Variants in SLC6A17 observed in about 807,000 individuals in gnomAD.
SLC6A17 encodes the protein solute carrier family 6 member 17.
In SLC6A17, 21 loss-of-function variants were observed where a neutral mutation model predicts 64.5. That is an observed-to-expected ratio of 0.33 (90% CI 0.23 to 0.47). The LOEUF (loss-of-function observed/expected upper bound fraction) is 0.47, where lower values mean the gene tolerates loss of function less well. Among genes scored for constraint, SLC6A17 ranks in the 20% least tolerant of loss-of-function variants. The probability of loss-of-function intolerance (pLI) is 1.00; values close to 1 mark genes in which losing one functional copy is unlikely to be tolerated. For missense variants in SLC6A17, 682 were observed against 963.2 expected (o/e 0.71, Z 3.86); for synonymous variants, 372 against 399.5 (o/e 0.93, Z 0.82).
At chr1:110,178,881 A>G (rs1656440367) in intron 6 of SLC6A17, among the ~76,000 whole-genome samples, 1 of 152,212 alleles carries the variant, frequency 6.6e-6, no homozygotes, top group South Asian at 2.1e-4. Flanking sequence ...TTTTGAAGGG[A>G]TACTAACATC....
At chr1:110,151,080 G>T (rs191158900) in intron 1 of SLC6A17, among the ~76,000 whole-genome samples, 197 bp downstream of exon 1, 1 of 152,344 alleles carries the variant, frequency 6.6e-6, no homozygotes, top group African/African-American at 2.4e-5. Flanking sequence ...GAGCCCCGGG[G>T]CCCGCTCTCC....
At position 110,192,182 on chromosome 1, in the gene SLC6A17, G is replaced by A. The variant is rs753486204; in HGVS notation, c.1075G>A (p.Ala359Thr). The change falls in exon 7 of 12, where the codon GCC becomes ACC. Residue 359 changes from alanine to threonine, a missense_variant. This residue lies in a region of SLC6A17 where 415 missense variants were observed against 603.8 expected (regional missense o/e 0.69). Coordinates refer to ENST00000331565, the MANE Select transcript of SLC6A17 (RefSeq NM_001010898.4). This position sits in a 1 kb window ranked among gnomAD's most constrained non-coding sequence, Gnocchi z 4.3. ...GGTGTTTGCTGTGCTGGGCTTCAAGGCCAACATCATGAATGAGAAGTGTGT... is the reference window on the plus strand; with the variant it reads ...GGTGTTTGCTGTGCTGGGCTTCAAGACCAACATCATGAATGAGAAGTGTGT... ...LVVFAVLGFK[A>T]NIMNEKCVVE... The A allele has an allele frequency of 6.2e-7, 1 of 1,613,720 alleles. No homozygotes were observed. Among genetic ancestry groups the A allele is most frequent in the Admixed American group, 1.7e-5 (1 of 60,010 alleles).
intron 1 of SLC6A17, among the ~76,000 whole-genome samples, chr1:110,157,823 G>C (rs1478070896): frequency 6.6e-6 from 1 of 152,084 alleles, no homozygotes; most frequent in African/African-American, 2.4e-5. Context: ...CACCAGGCAT[G>C]CAGGTCCTGC....
chr1:110,187,326 GAA>G (rs765794014), intron 6 of SLC6A17, among the ~76,000 whole-genome samples: 42 of 152,290 alleles, frequency 2.8e-4, no homozygotes, highest in Non-Finnish European at 5.7e-4. Flanking sequence ...ACAGAAAAAG[GAA>G]AGTGACTTAC....
intron 6 of SLC6A17, among the ~76,000 whole-genome samples, chr1:110,177,191 G>C (rs1656398480): frequency 6.6e-6 from 1 of 152,204 alleles, no homozygotes; most frequent in Non-Finnish European, 1.5e-5. Flanking sequence ...GAACCAAGAA[G>C]ATGCCTAAGA....
At chr1:110,195,010 GT>G (rs1180518174) in intron 9 of SLC6A17, 6 of 570,820 alleles carry the variant, frequency 1.1e-5, no homozygotes, top group Non-Finnish European at 1.9e-5. Context: ...AGGCCCCTTT[GT>G]TAGTTCACTT....
intron 1 of SLC6A17, among the ~76,000 whole-genome samples, chr1:110,154,088 G>A (rs1423668370): frequency 6.6e-6 from 1 of 152,192 alleles, no homozygotes; most frequent in Admixed American, 6.5e-5. Context: ...GATTCCAGTG[G>A]CTCACACTGT....
chr1:110,161,353 A>G (rs1245929223), intron 1 of SLC6A17, among the ~76,000 whole-genome samples: 5 of 152,058 alleles, frequency 3.3e-5, no homozygotes, highest in Non-Finnish European at 7.4e-5. Context: ...CCTGAGTTAG[A>G]TGTTGGCTTT....
chr1:110,173,908 T>A, intron 3 of SLC6A17, 65 bp from the exon 4 acceptor site: 9 of 1,515,146 alleles, frequency 5.9e-6, no homozygotes, highest in Admixed American at 2.0e-5. Flanking sequence ...GGGCCTCGGG[T>A]GGAGCGTGGG....
At chr1:110,186,525 A>T (rs1656689088) in intron 6 of SLC6A17, among the ~76,000 whole-genome samples, 1 of 152,148 alleles carries the variant, frequency 6.6e-6, no homozygotes, top group African/African-American at 2.4e-5. Context: ...TTTAGAAAGT[A>T]GAAGTTTGAA....
chr1:110,197,825 TC>T (rs1657011999), intron 11 of SLC6A17, among the ~76,000 whole-genome samples: 1 of 152,224 alleles, frequency 6.6e-6, no homozygotes, highest in Non-Finnish European at 1.5e-5. Context: ...ACTTATCCAG[TC>T]TTTCTAACCC....
Position 110,192,465 on chromosome 1 carries a change from C to T in SLC6A17, c.1107-41C>T, listed in dbSNP as rs751824854. On this transcript the variant is annotated intron_variant, in intron 7 of 11. Transcript: ENST00000331565. The surrounding 1 kb of genome is among the most constrained non-coding windows in gnomAD (Gnocchi z 4.3). ...CCTCCAGGATCTCACCCATTGCCCA[C>T]CCCTGCCTTCTTACCTGGTCCTCTC... is the stretch of plus-strand genomic sequence containing the variant. The T allele has an allele frequency of 1.0e-5, 16 of 1,578,400 alleles. No homozygotes were observed. The highest frequency in any genetic ancestry group is 9.0e-5 in the East Asian group (4 of 44,682).
rs2100958237 is a variant in SLC6A17, at chr1:110,200,609, T to C, written c.*2165T>C. On this transcript the variant is annotated 3_prime_UTR_variant, in exon 12 of 12. Coordinates refer to ENST00000331565, the MANE Select transcript of SLC6A17 (RefSeq NM_001010898.4). ...TCAGTGCTGTACAGATCTATTTTCA[T>C]TGTATATTTGATATATTTTTAATTT... The C allele has an allele frequency of 6.6e-6, 1 of 152,498 alleles. No individual in the cohort carries two copies. Among genetic ancestry groups the C allele is most frequent in the South Asian group, 2.1e-4 (1 of 4,836 alleles). The allele number at this position is 152,498 out of a possible 1,614,324, so 9.4% of individuals were successfully genotyped here.
At chr1:110,159,035 C>T (rs1655831449) in intron 1 of SLC6A17, among the ~76,000 whole-genome samples, 1 of 152,160 alleles carries the variant, frequency 6.6e-6, no homozygotes, top group African/African-American at 2.4e-5. Context: ...TCCATGTCTT[C>T]ATTTGTAAAA....
chr1:110,192,706 G>C lies in SLC6A17; in HGVS notation c.1299+8G>C. The C allele has an allele frequency of 6.2e-7, 1 of 1,609,698 alleles. No homozygotes were observed. Among genetic ancestry groups the C allele is most frequent in the Non-Finnish European group, 8.5e-7 (1 of 1,177,310 alleles). On this transcript the variant is annotated splice_region_variant and intron_variant, in intron 8 of 11. Coordinates refer to ENST00000331565, the MANE Select transcript of SLC6A17 (RefSeq NM_001010898.4). This position sits in a 1 kb window ranked among gnomAD's most constrained non-coding sequence, Gnocchi z 4.3. ...GAGGACGAGCTGGACAAGGTGCGGG[G>C]ACAGGCTGCCCTTCCCAGGACAGGC...
rs143260895 is a variant in SLC6A17, at chr1:110,198,414, G to C, written c.2154G>C (p.Leu718=). The part of the protein sequence containing the change: ...NPNGRYGSGY[L]LASTPESEL ...ATGGACGCTATGGGAGCGGCTACCT[G>C]CTGGCCAGCACCCCTGAGTCGGAGC... Residue 718 remains leucine (L), a synonymous_variant, in exon 12 of 12, where the codon CTG becomes CTC. Transcript: ENST00000331565. The C allele has an allele frequency of 1.2e-3, 1,937 of 1,613,032 alleles. 21 individuals are homozygous for C. The African/African-American group carries it at 0.023, about 19-fold the overall frequency.
At position 110,191,894 on chromosome 1, in the gene SLC6A17, A is replaced by G. The variant is rs996196669; in HGVS notation, c.865-78A>G. On this transcript the variant is annotated intron_variant, in intron 6 of 11. Coordinates refer to ENST00000331565, the MANE Select transcript of SLC6A17 (RefSeq NM_001010898.4). ...CTGCCTCTGAACTCTGTTGAGGCTG[A>G]GAAAGGGGGTGTGCACATGAATAAA... 3 of 1,546,494 alleles carry G rather than the reference A, an allele frequency of 1.9e-6. No homozygotes were observed. In the African/African-American group the frequency reaches 4.1e-5, roughly 21 times the overall value.
rs1167116627 is a variant in SLC6A17 at position 110,172,108 on chromosome 1, C to T, written c.335C>T (p.Pro112Leu). 2 of 1,613,990 alleles carry T rather than the reference C, an allele frequency of 1.2e-6. No individual in the cohort carries two copies. Residue 112 changes from proline to leucine, a missense_variant, in exon 3 of 12, where the codon CCC (proline) becomes CTC (leucine). Around this residue, in one of 3 missense-constraint regions of SLC6A17, gnomAD observed 415 missense variants for 603.8 expected, o/e 0.69. Transcript: ENST00000331565. ...GTGCTGCTGATCATCATCGGGATCC[C>T]CCTCTTCTTCCTGGAGCTGGCTGTG... is the stretch of plus-strand genomic sequence containing the variant. Reference protein sequence around the residue: ...YLVLLIIIGIPLFFLELAVGQ... With the variant: ...YLVLLIIIGILLFFLELAVGQ...
At chr1:110,187,203 TCA>T (rs1656708475) in intron 6 of SLC6A17, among the ~76,000 whole-genome samples, 1 of 79,512 alleles carries the variant, frequency 1.3e-5, no homozygotes, top group Non-Finnish European at 3.8e-5. Flanking sequence ...AATTCGCTAA[TCA>T]GGCAGAACAA....
Sources: allele counts gnomAD v4.1 joint callset (sites outside exome capture counted in the v4.1 genomes callset), GRCh38; gene constraint gnomAD v4.1.1; regional missense constraint gnomAD v4.1.1; non-coding constraint Gnocchi (gnomAD v3.1); transcripts MANE v1.5; gene names NCBI Gene and HGNC (gene_info 2026-07-23, HGNC 2026-07-21).